KCTD1: variants seen among roughly 807,000 people sequenced by gnomAD.
KCTD1 encodes potassium channel tetramerization domain containing 1.
A neutral mutation model predicts 66.0 loss-of-function variants in KCTD1; 24 were observed. That is an observed-to-expected ratio of 0.36 (90% CI 0.26 to 0.51). The LOEUF (loss-of-function observed/expected upper bound fraction) is 0.51. Ranked by LOEUF, KCTD1 falls within the 20% of genes least tolerant of loss-of-function variation. The pLI is 0.95. For missense variants in KCTD1, 943 were observed against 1,205.2 expected (o/e 0.78, Z 3.22); for synonymous variants, 511 against 517.2 (o/e 0.99, Z 0.16).
At chr18:26,535,971 C>CAA (rs36119174) in intron 1 of KCTD1, among the ~76,000 whole-genome samples, 5 of 122,822 alleles carry the variant, frequency 4.1e-5, no homozygotes, top group South Asian at 5.4e-4. Flanking sequence ...GTGATTCCTC[C>CAA]AAAAAAAAAA....
intron 2 of KCTD1, among the ~76,000 whole-genome samples, chr18:26,496,586 T>C (rs1982481926): frequency 6.6e-6 from 1 of 152,196 alleles, no homozygotes; most frequent in African/African-American, 2.4e-5. Flanking sequence ...ATATATGTAA[T>C]ACTTCAGTTA....
At chr18:26,599,588 A>C (rs1228117444) in intron 1 of KCTD1, 2 of 1,508,254 alleles carry the variant, frequency 1.3e-6, no homozygotes, top group Non-Finnish European at 1.8e-6. Flanking sequence ...CAGCTTTGAC[A>C]TTATTTTGTC....
intron 1 of KCTD1, among the ~76,000 whole-genome samples, chr18:26,605,383 CA>C (rs1986988680): frequency 6.6e-6 from 1 of 152,198 alleles, no homozygotes; most frequent in African/African-American, 2.4e-5. Context: ...CTCCCTTACA[CA>C]AGTCCTTATA....
chr18:26,537,597 A>G (rs962959488), intron 1 of KCTD1, among the ~76,000 whole-genome samples: 1 of 152,254 alleles, frequency 6.6e-6, no homozygotes, highest in African/African-American at 2.4e-5. Flanking sequence ...ATTGATTTAC[A>G]TAGTATCGAA....
At chr18:26,626,630 T>C (rs1352472145) in intron 1 of KCTD1, among the ~76,000 whole-genome samples, 1 of 152,078 alleles carries the variant, frequency 6.6e-6, no homozygotes, top group African/African-American at 2.4e-5. Flanking sequence ...CGGGCCACCA[T>C]GCCTGGCTAA....
In KCTD1 at chr18:26,470,194, G is replaced by C. The variant is rs1389165115; in HGVS notation, c.2133+6321C>G. Among the ~76,000 whole-genome samples the C allele has an allele frequency of 3.3e-5, 5 of 152,270 alleles. No individual in the cohort carries two copies. The East Asian group carries it at 7.7e-4, about 23-fold the overall frequency. ...TGGCAGGTGCTGAGCATGTGGGACA[G>C]ATGCTGCTGGCTAGCTTCCCCAACA... On this transcript the variant is annotated intron_variant, in intron 3 of 4. Coordinates refer to ENST00000580059, the MANE Select transcript of KCTD1 (RefSeq NM_001142730.3).
chr18:26,624,451 C>T (rs1030159582), intron 1 of KCTD1, among the ~76,000 whole-genome samples: 2 of 152,230 alleles, frequency 1.3e-5, no homozygotes, highest in African/African-American at 4.8e-5. Flanking sequence ...ATCCCAGCTG[C>T]TTCAGCTCCA....
chr18:26,599,986 G>A, intron 1 of KCTD1: 2 of 1,610,792 alleles, frequency 1.2e-6, no homozygotes, highest in South Asian at 2.2e-5. Context: ...CCCTGCTGCT[G>A]CCAAGCTGTG....
chr18:26,577,031 A>G (rs1598949209), intron 1 of KCTD1, among the ~76,000 whole-genome samples: 1 of 152,228 alleles, frequency 6.6e-6, no homozygotes, highest in Non-Finnish European at 1.5e-5. Flanking sequence ...AGCATTAGAT[A>G]GTATCTATCA....
intron 2 of KCTD1, among the ~76,000 whole-genome samples, chr18:26,495,749 A>G (rs1982438752): frequency 6.6e-6 from 1 of 152,152 alleles, no homozygotes; most frequent in Admixed American, 6.5e-5. Flanking sequence ...CCTCTAGGTC[A>G]TTGGTTGACA....
chr18:26,644,470 G>T (rs1010875892), upstream of KCTD1, among the ~76,000 whole-genome samples: 10 of 152,008 alleles, frequency 6.6e-5, no homozygotes, highest in African/African-American at 2.2e-4. Flanking sequence ...GAGTAAAGAG[G>T]AAGCAGGGGG....
chr18:26,584,187 A>G (rs939118768), intron 1 of KCTD1, among the ~76,000 whole-genome samples: 4 of 152,348 alleles, frequency 2.6e-5, no homozygotes, highest in African/African-American at 9.6e-5. Flanking sequence ...TACCCGGAAC[A>G]GATATTTCTT....
intron 1 of KCTD1, among the ~76,000 whole-genome samples, chr18:26,578,709 C>A (rs1225313645): frequency 6.6e-6 from 1 of 152,172 alleles, no homozygotes; most frequent in Non-Finnish European, 1.5e-5. Context: ...GCCTGAGAAA[C>A]TCCCTTTTAA....
At chr18:26,554,737 C>T (rs911822072) in intron 1 of KCTD1, among the ~76,000 whole-genome samples, 8 of 152,154 alleles carry the variant, frequency 5.3e-5, no homozygotes, top group Non-Finnish European at 1.0e-4. Flanking sequence ...GGTCTTTCCA[C>T]CTAATAATCA....
chr18:26,581,430 A>T (rs1310201832), intron 1 of KCTD1: 2 of 152,142 alleles, frequency 1.3e-5, no homozygotes, highest in Non-Finnish European at 2.9e-5. Context: ...GCTAATTTTT[A>T]AATCTTTTAG....
intron 1 of KCTD1, among the ~76,000 whole-genome samples, chr18:26,604,571 G>A (rs1986971119): frequency 6.6e-6 from 1 of 152,210 alleles, no homozygotes; most frequent in African/African-American, 2.4e-5. Context: ...CATAAAAAAT[G>A]AGATCATGTC....
At chr18:26,551,037 C>G (rs922461828), upstream of KCTD1, among the ~76,000 whole-genome samples, 9 of 152,282 alleles carry the variant, frequency 5.9e-5, no homozygotes, top group Non-Finnish European at 1.2e-4. Flanking sequence ...AGCCTGGGAG[C>G]GGAGCCGCCC....
chr18:26,547,397 C>T lies in KCTD1; in HGVS notation c.1140G>A (p.Glu380=), dbSNP rs1182088742. The change falls in exon 1 of 5, where the codon GAG becomes GAA. Residue 380 remains glutamate (E), a synonymous_variant. Coordinates refer to ENST00000580059, the MANE Select transcript of KCTD1 (RefSeq NM_001142730.3). ...SDEENLPRMY[E]TGTEFCPYAS... is the part of the protein sequence containing the mutation. ...CGTAGGGGCAGAACTCGGTGCCCGT[C>T]TCATACATGCGGGGCAAGTTCTCCT... 1 of 1,551,426 alleles carries T rather than the reference C, an allele frequency of 6.4e-7. No individual in the cohort carries two copies. The highest frequency in any genetic ancestry group is 2.0e-5 in the Admixed American group (1 of 51,012).
At chr18:26,574,710 G>A (rs1025173034) in intron 1 of KCTD1, among the ~76,000 whole-genome samples, 2 of 152,160 alleles carry the variant, frequency 1.3e-5, no homozygotes, top group Non-Finnish European at 2.9e-5. Flanking sequence ...AGAGAAATGT[G>A]AGTTGCGGTG....
Sources: allele counts gnomAD v4.1 joint callset (sites outside exome capture counted in the v4.1 genomes callset), GRCh38; gene constraint gnomAD v4.1.1; transcripts MANE v1.5; gene names NCBI Gene and HGNC (gene_info 2026-07-23, HGNC 2026-07-21).